Variants in CDH18 observed in about 807,000 individuals in gnomAD.
The protein encoded by CDH18 is cadherin-18.
CDH18 carries 31 observed loss-of-function variants against 67.9 expected under a neutral mutation model. That is an observed-to-expected ratio of 0.46 (90% CI 0.34 to 0.62). CDH18 has a LOEUF of 0.62. Ranked by LOEUF, CDH18 falls within the 20% of genes least tolerant of loss-of-function variation. The pLI, the probability that CDH18 is intolerant of heterozygous loss-of-function variation, is 0.01. For synonymous variants in CDH18, 362 were observed against 347.2 expected (o/e 1.04, Z -0.48); for missense variants, 890 against 975.5 (o/e 0.91, Z 1.17).
intron 4 of CDH18, among the ~76,000 whole-genome samples, chr5:19,727,721 A>C (rs1767028365): frequency 1.0e-5 from 1 of 95,666 alleles, no homozygotes; most frequent in Non-Finnish European, 2.9e-5. Flanking sequence ...GTTAAAAGTC[A>C]AGAAAAAAAA....
chr5:20,080,418 A>G (rs1744349636), intron 2 of CDH18, among the ~76,000 whole-genome samples: 1 of 152,202 alleles, frequency 6.6e-6, no homozygotes, highest in Non-Finnish European at 1.5e-5. Flanking sequence ...CTTGGATGAT[A>G]TACAAGTATA....
chr5:20,550,692 T>C (rs1415003471), intron 1 of CDH18, among the ~76,000 whole-genome samples: 2 of 152,222 alleles, frequency 1.3e-5, no homozygotes, highest in Admixed American at 1.3e-4. Context: ...TAGAGCTCTT[T>C]AGCCACTTAG....
chr5:20,361,608 T>A (rs1349682485), intron 1 of CDH18, among the ~76,000 whole-genome samples: 1 of 152,064 alleles, frequency 6.6e-6, no homozygotes, highest in African/African-American at 2.4e-5. Context: ...CTAAAATGCC[T>A]TGCTAGTATA....
intron 5 of CDH18, among the ~76,000 whole-genome samples, chr5:19,673,059 A>G (rs1295103308): frequency 6.6e-6 from 1 of 152,062 alleles, no homozygotes; most frequent in Non-Finnish European, 1.5e-5. Context: ...ATTTCATTTA[A>G]GATAAAACAA....
At chr5:20,295,431 C>G (rs1158043347) in intron 1 of CDH18, among the ~76,000 whole-genome samples, 1 of 152,020 alleles carries the variant, frequency 6.6e-6, no homozygotes, top group Non-Finnish European at 1.5e-5. Flanking sequence ...TTATCAATTG[C>G]ACAGGAATTC....
At chr5:20,081,144 T>C (rs1032791161) in intron 2 of CDH18, among the ~76,000 whole-genome samples, 7 of 66,782 alleles carry the variant, frequency 1.0e-4, no homozygotes, top group African/African-American at 4.1e-4. Context: ...AGGATAATGA[T>C]TTGTATCTTT....
At chr5:20,386,484 C>T (rs1744317912) in intron 1 of CDH18, among the ~76,000 whole-genome samples, 2 of 152,064 alleles carry the variant, frequency 1.3e-5, no homozygotes, top group South Asian at 4.2e-4. Flanking sequence ...TACAATCAGA[C>T]TGGGAATGTA....
intron 5 of CDH18, among the ~76,000 whole-genome samples, chr5:19,653,236 G>A (rs570544380): frequency 6.6e-6 from 1 of 151,942 alleles, no homozygotes. Context: ...TCTGAACCAG[G>A]GTAGTCATTG....
chr5:20,142,709 T>A (rs1157836855), intron 2 of CDH18, among the ~76,000 whole-genome samples: 2 of 151,902 alleles, frequency 1.3e-5, no homozygotes, highest in Non-Finnish European at 2.9e-5. Context: ...AGTGACGGGG[T>A]GACAGTCTAT....
intron 8 of CDH18, among the ~76,000 whole-genome samples, chr5:19,566,488 G>T (rs1740418493): frequency 6.6e-6 from 1 of 152,230 alleles, no homozygotes; most frequent in Admixed American, 6.5e-5. Context: ...TGGCTGGGGA[G>T]GCCTCACAAT....
intron 2 of CDH18, among the ~76,000 whole-genome samples, chr5:19,857,321 G>GTGTGATTT (rs891190406): frequency 5.9e-5 from 9 of 151,918 alleles, no homozygotes; most frequent in Admixed American, 4.6e-4. Context: ...AATTTAAACA[G>GTGTGATTT]TGTGATTTTG....
At chr5:19,785,699 T>A (rs1204542152) in intron 3 of CDH18, among the ~76,000 whole-genome samples, 39 of 82,804 alleles carry the variant, frequency 4.7e-4, no homozygotes, top group African/African-American at 8.0e-4. Flanking sequence ...TATATATATA[T>A]ATATATATAT....
At chr5:20,088,644 G>A (rs1311682796) in intron 2 of CDH18, among the ~76,000 whole-genome samples, 1 of 152,060 alleles carries the variant, frequency 6.6e-6, no homozygotes, top group Non-Finnish European at 1.5e-5. Context: ...GATCGACTCT[G>A]GCCAGGAGTG....
chr5:20,174,855 A>G (rs1160451230), intron 2 of CDH18, among the ~76,000 whole-genome samples: 3 of 152,112 alleles, frequency 2.0e-5, no homozygotes, highest in East Asian at 1.9e-4. Flanking sequence ...TCATATTTTT[A>G]TTGTGTTTTT....
At chr5:19,988,389 C>G (rs79633469), upstream of CDH18, among the ~76,000 whole-genome samples, 6 of 152,052 alleles carry the variant, frequency 3.9e-5, no homozygotes, top group Admixed American at 6.6e-5. Context: ...CCCAACCCCC[C>G]ACCGTGCATA....
intron 2 of CDH18, among the ~76,000 whole-genome samples, chr5:20,197,172 T>A (rs1318898077): frequency 6.6e-6 from 1 of 152,064 alleles, no homozygotes; most frequent in Admixed American, 6.6e-5. Flanking sequence ...CTGCCACACC[T>A]GGCTAATTAT....
chr5:19,991,194 A>T (rs560545085), upstream of CDH18, among the ~76,000 whole-genome samples: 24 of 152,282 alleles, frequency 1.6e-4, no homozygotes, highest in East Asian at 4.4e-3. Flanking sequence ...TTAGCAAGTT[A>T]TGTGATGTTT....
At chr5:20,142,593 A>G (rs980259934) in intron 2 of CDH18, among the ~76,000 whole-genome samples, 2 of 152,094 alleles carry the variant, frequency 1.3e-5, no homozygotes, top group African/African-American at 4.8e-5. Context: ...AAAAAAAAAA[A>G]AGAAAGAAAG....
intron 1 of CDH18, among the ~76,000 whole-genome samples, chr5:20,317,420 GTTA>G (rs1418706275): frequency 6.6e-6 from 1 of 152,014 alleles, no homozygotes; most frequent in Non-Finnish European, 1.5e-5. Context: ...AAAAAGACAT[GTTA>G]TTATTTCTTT....
Sources: allele counts gnomAD v4.1 joint callset (sites outside exome capture counted in the v4.1 genomes callset), GRCh38; gene constraint gnomAD v4.1.1; transcripts MANE v1.5; gene names NCBI Gene and HGNC (gene_info 2026-07-23, HGNC 2026-07-21).